Variants in BRINP1 observed in about 807,000 individuals in gnomAD.
BRINP1 encodes the protein BMP/retinoic acid inducible neural specific 1.
In BRINP1, 17 loss-of-function variants were observed where a neutral mutation model predicts 72.9. That is an observed-to-expected ratio of 0.23 (90% CI 0.16 to 0.35). The LOEUF (loss-of-function observed/expected upper bound fraction) is 0.35. BRINP1 is among the 10% of genes least tolerant of loss of function. The pLI, the probability that BRINP1 is intolerant of heterozygous loss-of-function variation, is 1.00. For synonymous variants in BRINP1, 418 were observed against 378.5 expected (o/e 1.10, Z -1.21); for missense variants, 850 against 1,001.6 (o/e 0.85, Z 2.04).
chr9:119,273,574 C>T (rs1165831263), intron 2 of BRINP1, among the ~76,000 whole-genome samples: 1 of 152,178 alleles, frequency 6.6e-6, no homozygotes, highest in African/African-American at 2.4e-5. Context: ...GATCAGCTCA[C>T]TTAGTCTAAT....
At chr9:119,191,256 T>C (rs1167659145) in intron 7 of BRINP1, among the ~76,000 whole-genome samples, 2 of 151,790 alleles carry the variant, frequency 1.3e-5, no homozygotes. Context: ...CCACTTCTAT[T>C]CAATACAGTA....
At chr9:119,360,431 C>T (rs926687379) in intron 1 of BRINP1, among the ~76,000 whole-genome samples, 3 of 152,198 alleles carry the variant, frequency 2.0e-5, no homozygotes, top group Admixed American at 2.0e-4. Flanking sequence ...GGCTTATCCA[C>T]TACCATGTAA....
intron 5 of BRINP1, among the ~76,000 whole-genome samples, chr9:119,226,162 G>C (rs1408323565): frequency 1.3e-5 from 2 of 152,030 alleles, no homozygotes; most frequent in African/African-American, 2.4e-5. Flanking sequence ...TGCAAAAGGA[G>C]AGCTTAATTC....
intron 5 of BRINP1, among the ~76,000 whole-genome samples, chr9:119,236,466 C>T (rs1830192444): frequency 6.6e-6 from 1 of 152,140 alleles, no homozygotes; most frequent in African/African-American, 2.4e-5. Flanking sequence ...AATCCTTGAA[C>T]CTTAAGCTTC....
intron 2 of BRINP1, among the ~76,000 whole-genome samples, chr9:119,293,080 G>T (rs191278710): frequency 6.6e-6 from 1 of 152,182 alleles, no homozygotes; most frequent in East Asian, 1.9e-4. Context: ...TGTACATTCT[G>T]GACTGAAGTT....
intron 2 of BRINP1, among the ~76,000 whole-genome samples, chr9:119,302,931 A>T (rs1242161752): frequency 2.0e-5 from 3 of 152,060 alleles, no homozygotes; most frequent in African/African-American, 7.2e-5. Context: ...AAAGGCAGAG[A>T]TGAATAATCC....
chr9:119,228,901 A>C (rs2118894179), intron 5 of BRINP1, among the ~76,000 whole-genome samples: 1 of 152,266 alleles, frequency 6.6e-6, no homozygotes, highest in East Asian at 1.9e-4. Context: ...TGACTTGGGA[A>C]GATTAATACA....
intron 1 of BRINP1, among the ~76,000 whole-genome samples, chr9:119,313,820 C>A (rs1831094641): frequency 6.6e-6 from 1 of 152,138 alleles, no homozygotes; most frequent in Non-Finnish European, 1.5e-5. Flanking sequence ...CTCATACACC[C>A]AGTAAGAGAC....
intron 1 of BRINP1, among the ~76,000 whole-genome samples, chr9:119,327,717 G>A (rs907703301): frequency 4.6e-5 from 7 of 152,174 alleles, no homozygotes; most frequent in Admixed American, 4.6e-4. Context: ...GTGAGAAAAG[G>A]AAGGTGTATA....
chr9:119,261,407 A>C (rs901138345), intron 2 of BRINP1, among the ~76,000 whole-genome samples: 2 of 152,192 alleles, frequency 1.3e-5, no homozygotes, highest in African/African-American at 4.8e-5. Flanking sequence ...TGGATAACTT[A>C]TGGTAGGGAT....
At chr9:119,365,086 C>T (rs1831677979) in intron 1 of BRINP1, among the ~76,000 whole-genome samples, 1 of 152,100 alleles carries the variant, frequency 6.6e-6, no homozygotes, top group Admixed American at 6.5e-5. Flanking sequence ...TAGACCTATA[C>T]CCCCAGCGCT....
At chr9:119,344,738 C>T (rs1419081012) in intron 1 of BRINP1, among the ~76,000 whole-genome samples, 2 of 152,174 alleles carry the variant, frequency 1.3e-5, no homozygotes, top group Non-Finnish European at 2.9e-5. Context: ...CCACAGCCAC[C>T]ACCTAAATAT....
intron 2 of BRINP1, among the ~76,000 whole-genome samples, chr9:119,268,315 T>C (rs2118948272): frequency 8.4e-6 from 1 of 118,422 alleles, no homozygotes; most frequent in East Asian, 3.4e-4. Context: ...AGTGTTTTTG[T>C]ATAAAATCGA....
At chr9:119,209,050 A>T (rs1829890603) in intron 6 of BRINP1, 109 bp from the exon 7 acceptor site, 6 of 881,314 alleles carry the variant, frequency 6.8e-6, no homozygotes, top group Non-Finnish European at 8.7e-6. Flanking sequence ...TGCAAACATA[A>T]TTTTTTTTTC....
At chr9:119,299,441 C>A (rs1009171801) in intron 2 of BRINP1, among the ~76,000 whole-genome samples, 1 of 151,936 alleles carries the variant, frequency 6.6e-6, no homozygotes, top group African/African-American at 2.4e-5. Flanking sequence ...TGGAGAAACC[C>A]CGTCTCTACT....
At position 119,288,397 on chromosome 9, in the gene BRINP1, C is replaced by T. The variant is rs149545424; in HGVS notation, c.218+24741G>A. Among the ~76,000 whole-genome samples the T allele has an allele frequency of 4.0e-3, 615 of 152,088 alleles. 2 individuals are homozygous for T. Among genetic ancestry groups the T allele is most frequent in the African/African-American group, 0.014 (586 of 41,474 alleles). On this transcript the variant is annotated intron_variant, in intron 2 of 7. Transcript: ENST00000265922. ...ACATAGGTTTATGATGTAATGTATG[C>T]AAAATACAATGCTGGGTGATTTGGG... is the stretch of plus-strand genomic sequence containing the variant.
At chr9:119,196,191 G>T (rs940653586) in intron 7 of BRINP1, among the ~76,000 whole-genome samples, 1 of 152,072 alleles carries the variant, frequency 6.6e-6, no homozygotes, top group African/African-American at 2.4e-5. Flanking sequence ...CTGGTATGGC[G>T]CTTAGACCAG....
chr9:119,291,245 C>T (rs917576386), intron 2 of BRINP1, among the ~76,000 whole-genome samples: 3 of 152,164 alleles, frequency 2.0e-5, no homozygotes, highest in Non-Finnish European at 4.4e-5. Flanking sequence ...TTGTTCTTCT[C>T]CATCAAGATT....
intron 2 of BRINP1, among the ~76,000 whole-genome samples, chr9:119,251,270 C>A (rs906011604): frequency 3.9e-5 from 6 of 152,164 alleles, no homozygotes; most frequent in Non-Finnish European, 7.3e-5. Context: ...ATGTCACAGT[C>A]CCTGTCCTTA....
Sources: allele counts gnomAD v4.1 joint callset (sites outside exome capture counted in the v4.1 genomes callset), GRCh38; gene constraint gnomAD v4.1.1; transcripts MANE v1.5; gene names NCBI Gene and HGNC (gene_info 2026-07-23, HGNC 2026-07-21).